Variants in IQSEC1 observed in about 807,000 individuals in gnomAD.
IQSEC1 encodes the protein IQ motif and Sec7 domain ArfGEF 1, also known as IQ motif and SEC7 domain-containing protein 1.
A neutral mutation model predicts 91.0 loss-of-function variants in IQSEC1; 31 were observed. The observed-to-expected ratio is 0.34, with a 90% CI of 0.26 to 0.46. The LOEUF is 0.46. Among genes scored for constraint, IQSEC1 ranks in the 20% least tolerant of loss-of-function variants. IQSEC1 has a pLI of 1.00. For synonymous variants in IQSEC1, 699 were observed against 662.6 expected (o/e 1.05, Z -0.84); for missense variants, 1,388 against 1,575.6 (o/e 0.88, Z 2.02).
At chr3:13,071,143 G>GTTTTTTTTT (rs1553563495) in intron 1 of IQSEC1, among the ~76,000 whole-genome samples, 9 of 112,714 alleles carry the variant, frequency 8.0e-5, no homozygotes, top group East Asian at 3.1e-4. Flanking sequence ...GACCCACACA[G>GTTTTTTTTT]TTTTTTTTTG....
intron 2 of IQSEC1, among the ~76,000 whole-genome samples, chr3:13,109,835 T>C (rs1000117346): frequency 1.3e-5 from 2 of 151,954 alleles, no homozygotes; most frequent in East Asian, 1.9e-4. Flanking sequence ...GGAATTTCTT[T>C]ATAGCGGTGC....
At chr3:13,190,070 C>T (rs1693996244) in intron 1 of IQSEC1, among the ~76,000 whole-genome samples, 1 of 152,206 alleles carries the variant, frequency 6.6e-6, no homozygotes, top group Admixed American at 6.5e-5. Context: ...AATAGAGTTC[C>T]AGCAGTTTCC....
chr3:13,071,937 G>T (rs1705446490), intron 1 of IQSEC1, among the ~76,000 whole-genome samples: 2 of 152,338 alleles, frequency 1.3e-5, no homozygotes, highest in Admixed American at 6.5e-5. Context: ...GCAGAGGTGT[G>T]TTTACTTTCC....
chr3:13,151,131 T>A (rs1259755493), intron 2 of IQSEC1, among the ~76,000 whole-genome samples: 2 of 152,204 alleles, frequency 1.3e-5, no homozygotes, highest in East Asian at 3.8e-4. Flanking sequence ...CTTCCCACGC[T>A]GGAAGGACAG....
At chr3:13,049,908 C>T (rs771993490) in intron 1 of IQSEC1, among the ~76,000 whole-genome samples, 39 of 152,164 alleles carry the variant, frequency 2.6e-4, no homozygotes, top group Non-Finnish European at 4.7e-4. Flanking sequence ...CCAGACAGTA[C>T]GGTCGCTGAA....
chr3:12,959,789 T>C lies in IQSEC1; in HGVS notation c.24-17924A>G, dbSNP rs538949271. Among the ~76,000 whole-genome samples the C allele has an allele frequency of 5.3e-5, 8 of 152,270 alleles. No homozygotes were observed. The South Asian group carries it at 1.7e-3, about 32-fold the overall frequency. On this transcript the variant is annotated intron_variant, in intron 1 of 13. Transcript: ENST00000613206. Reference sequence around the variant, plus strand: ...GAAATAAAACTGCACATAGGGATCATTATACCATTCTACTTTTGTACGTTG... The same window carrying C: ...GAAATAAAACTGCACATAGGGATCACTATACCATTCTACTTTTGTACGTTG...
chr3:13,017,497 G>A (rs1576171445), intron 1 of IQSEC1, among the ~76,000 whole-genome samples: 1 of 152,336 alleles, frequency 6.6e-6, no homozygotes, highest in East Asian at 1.9e-4. Flanking sequence ...GCCCTGTGGT[G>A]CTTGCCAAGA....
chr3:13,226,072 T>C (rs1462889587), intron 1 of IQSEC1, among the ~76,000 whole-genome samples: 2 of 152,058 alleles, frequency 1.3e-5, no homozygotes, highest in African/African-American at 4.8e-5. Flanking sequence ...AGAGACAGGG[T>C]TTCACCATGT....
chr3:13,212,278 T>C (rs116826769), intron 1 of IQSEC1, among the ~76,000 whole-genome samples: 1,782 of 152,362 alleles, frequency 0.012, 31 homozygotes, highest in African/African-American at 0.04. Context: ...TGGAATTGTA[T>C]AATATGTGGA....
intron 12 of IQSEC1, among the ~76,000 whole-genome samples, chr3:12,904,429 C>T (rs576892239): frequency 2.0e-5 from 3 of 152,352 alleles, no homozygotes; most frequent in African/African-American, 7.2e-5. Flanking sequence ...CCAAGTAGAA[C>T]CTTGGCCCTA....
In IQSEC1 at chr3:12,936,384, G is replaced by C. The variant is rs745410560; in HGVS notation, c.632C>G (p.Ser211Cys). ...CGCAAAGTCACTGGAGGGGGCCGGAGACTTGAGGGTGGTGGGCTCGCTGAG... is the reference window on the plus strand; with the variant it reads ...CGCAAAGTCACTGGAGGGGGCCGGACACTTGAGGGTGGTGGGCTCGCTGAG... ...GDLSEPTTLK[S>C]PAPSSDFADA... Residue 211 changes from serine (S) to cysteine (C), a missense_variant, in exon 3 of 14, where the codon TCT becomes TGT. Around this residue, in one of 2 missense-constraint regions of IQSEC1, gnomAD observed 1,059 missense variants for 1,317.8 expected, o/e 0.80. Coordinates refer to ENST00000613206, the MANE Select transcript of IQSEC1 (RefSeq NM_001134382.3). 3 of 1,597,322 alleles carry C rather than the reference G, an allele frequency of 1.9e-6. No individual in the cohort carries two copies. Among genetic ancestry groups the C allele is most frequent in the East Asian group, 2.2e-5 (1 of 44,596 alleles).
chr3:13,001,400 C>T (rs1702418382), intron 1 of IQSEC1, among the ~76,000 whole-genome samples: 1 of 152,206 alleles, frequency 6.6e-6, no homozygotes, highest in Non-Finnish European at 1.5e-5. Flanking sequence ...TTAGGGGTTT[C>T]TCAAACTTAA....
intron 1 of IQSEC1, among the ~76,000 whole-genome samples, chr3:13,021,352 T>C (rs1407198927): frequency 2.0e-5 from 3 of 152,154 alleles, no homozygotes; most frequent in Non-Finnish European, 4.4e-5. Flanking sequence ...CCATTCCAGA[T>C]ACCCCCACCA....
At chr3:13,039,033 A>G (rs1342656341) in intron 1 of IQSEC1, among the ~76,000 whole-genome samples, 1 of 152,238 alleles carries the variant, frequency 6.6e-6, no homozygotes, top group Non-Finnish European at 1.5e-5. Context: ...CACCATTAAC[A>G]GCTTATTTTG....
chr3:13,201,398 A>C (rs1261179300), intron 1 of IQSEC1, among the ~76,000 whole-genome samples: 1 of 152,214 alleles, frequency 6.6e-6, no homozygotes, highest in East Asian at 1.9e-4. Flanking sequence ...TAATGCGATC[A>C]TAGCTCACTG....
At chr3:13,011,892 A>C (rs750118336) in intron 1 of IQSEC1, among the ~76,000 whole-genome samples, 6 of 152,240 alleles carry the variant, frequency 3.9e-5, no homozygotes, top group Non-Finnish European at 8.8e-5. Context: ...ATAGCAGAAC[A>C]GAGGCCATTG....
chr3:13,117,569 C>CA (rs34002295), intron 2 of IQSEC1, among the ~76,000 whole-genome samples: 3,255 of 9,454 alleles, frequency 0.34, 1,282 homozygotes, highest in East Asian at 0.5. Flanking sequence ...GACTCCGTCT[C>CA]AAAAAAAAAA....
At chr3:12,965,130 TCTTA>T (rs1700479940) in intron 1 of IQSEC1, among the ~76,000 whole-genome samples, 1 of 152,174 alleles carries the variant, frequency 6.6e-6, no homozygotes. Flanking sequence ...CTCTGGGTTC[TCTTA>T]GTGTGTGTAC....
At chr3:13,263,427 T>TA (rs1156981824) in intron 1 of IQSEC1, among the ~76,000 whole-genome samples, 1 of 102,866 alleles carries the variant, frequency 9.7e-6, no homozygotes, top group Non-Finnish European at 2.1e-5. Context: ...CTTTTTTTTT[T>TA]GGGGGGGGGG....
Sources: gnomAD v4.1 joint callset for allele counts (sites outside exome capture counted in the v4.1 genomes callset) on GRCh38, gnomAD v4.1.1 for gene constraint, gnomAD v4.1.1 regional missense constraint, MANE v1.5 for transcripts, NCBI Gene and HGNC (gene_info 2026-07-23, HGNC 2026-07-21) for gene names.